Variants in CNTNAP2 observed in about 807,000 individuals in gnomAD.
CNTNAP2 encodes the protein contactin-associated protein-like 2.
CNTNAP2 carries 98 observed loss-of-function variants against 155.2 expected under a neutral mutation model. The observed-to-expected ratio is 0.63, with a 90% CI of 0.54 to 0.75. The LOEUF is 0.75. Ranked by LOEUF, CNTNAP2 falls within the 30% of genes least tolerant of loss-of-function variation. The pLI is 0.00. For missense variants in CNTNAP2, 1,727 were observed against 1,688.1 expected (o/e 1.02, Z -0.40); for synonymous variants, 651 against 631.2 (o/e 1.03, Z -0.47).
chr7:146,464,382 C>G (rs1796686283), intron 1 of CNTNAP2, among the ~76,000 whole-genome samples: 1 of 151,922 alleles, frequency 6.6e-6, no homozygotes, highest in Non-Finnish European at 1.5e-5. Context: ...ATCTACGTAA[C>G]AGATCATATT....
chr7:147,303,852 G>A (rs1376072614), intron 9 of CNTNAP2, among the ~76,000 whole-genome samples: 1 of 152,136 alleles, frequency 6.6e-6, no homozygotes, highest in Non-Finnish European at 1.5e-5. Context: ...AAGGAACACT[G>A]GAGACTTCAG....
At chr7:146,712,202 T>TA (rs1801098124) in intron 1 of CNTNAP2, among the ~76,000 whole-genome samples, 3 of 121,332 alleles carry the variant, frequency 2.5e-5, no homozygotes, top group African/African-American at 9.0e-5. Context: ...TATACAAATA[T>TA]GTATACATAT....
chr7:148,351,787 A>G (rs1304374441), intron 21 of CNTNAP2, among the ~76,000 whole-genome samples: 1 of 150,244 alleles, frequency 6.7e-6, no homozygotes, highest in African/African-American at 2.4e-5. Context: ...CAGGGGTTTA[A>G]GCAAGATGGA....
chr7:146,617,451 G>A (rs1052154277), intron 1 of CNTNAP2, among the ~76,000 whole-genome samples: 6 of 152,144 alleles, frequency 3.9e-5, no homozygotes, highest in African/African-American at 1.4e-4. Context: ...GTACTACCTT[G>A]AAGATCTTAC....
intron 15 of CNTNAP2, among the ~76,000 whole-genome samples, chr7:148,008,207 C>CAAA (rs34226824): frequency 0.012 from 1,681 of 142,578 alleles, 41 homozygotes; most frequent in African/African-American, 0.042. Context: ...ACTAAAAATA[C>CAAA]AAAAAAAAAA....
chr7:146,318,262 TTTGA>T (rs1800943946), intron 1 of CNTNAP2, among the ~76,000 whole-genome samples: 1 of 152,198 alleles, frequency 6.6e-6, no homozygotes, highest in Admixed American at 6.5e-5. Context: ...TTAGTTCTGT[TTTGA>T]TTGTTTTTCA....
At chr7:146,705,148 A>T (rs1800941409) in intron 1 of CNTNAP2, among the ~76,000 whole-genome samples, 1 of 152,110 alleles carries the variant, frequency 6.6e-6, no homozygotes, top group African/African-American at 2.4e-5. Flanking sequence ...CTTTTGGCTA[A>T]AAAGTGTTTA....
At chr7:146,594,725 G>T (rs532850341) in intron 1 of CNTNAP2, among the ~76,000 whole-genome samples, 1 of 151,982 alleles carries the variant, frequency 6.6e-6, no homozygotes, top group African/African-American at 2.4e-5. Context: ...GTAATTTTGC[G>T]TCCTCTCATC....
At chr7:146,798,154 C>T (rs1802804850) in intron 2 of CNTNAP2, among the ~76,000 whole-genome samples, 2 of 151,914 alleles carry the variant, frequency 1.3e-5, no homozygotes, top group Admixed American at 6.6e-5. Context: ...CGCCTGCGGT[C>T]CCAGTTACTC....
intron 17 of CNTNAP2, among the ~76,000 whole-genome samples, chr7:148,158,419 C>T (rs1057094128): frequency 1.1e-4 from 16 of 152,048 alleles, no homozygotes; most frequent in Non-Finnish European, 1.8e-4. Context: ...GATAGGATTT[C>T]ACCATGTTGG....
chr7:147,770,332 C>A (rs993152301), intron 13 of CNTNAP2, among the ~76,000 whole-genome samples: 1 of 151,946 alleles, frequency 6.6e-6, no homozygotes, highest in African/African-American at 2.4e-5. Flanking sequence ...AATACTGCAC[C>A]ATAGGTTTCC....
chr7:148,113,615 T>A (rs865838314), intron 15 of CNTNAP2, among the ~76,000 whole-genome samples: 7 of 152,116 alleles, frequency 4.6e-5, no homozygotes, highest in Non-Finnish European at 1.0e-4. Context: ...TTAATTGGGG[T>A]TTAAAATGAT....
chr7:148,001,217 A>T (rs537464541), intron 15 of CNTNAP2, among the ~76,000 whole-genome samples: 4 of 152,224 alleles, frequency 2.6e-5, no homozygotes, highest in African/African-American at 4.8e-5. Flanking sequence ...GCCAAGAAAC[A>T]TCTACCTAGT....
chr7:146,687,628 G>C (rs992701063), intron 1 of CNTNAP2, among the ~76,000 whole-genome samples: 5 of 152,046 alleles, frequency 3.3e-5, no homozygotes, highest in Admixed American at 2.0e-4. Context: ...AGATAATTAT[G>C]GCTTTTTAAA....
intron 12 of CNTNAP2, among the ~76,000 whole-genome samples, chr7:147,620,492 T>C (rs1801372259): frequency 6.7e-6 from 1 of 150,298 alleles, no homozygotes; most frequent in South Asian, 2.1e-4. Flanking sequence ...AAAATAATTA[T>C]ATATTAATTA....
intron 2 of CNTNAP2, among the ~76,000 whole-genome samples, chr7:146,824,615 G>T (rs550783029): frequency 6.6e-6 from 1 of 152,152 alleles, no homozygotes; most frequent in African/African-American, 2.4e-5. Flanking sequence ...CTGTGGTTTT[G>T]ATTTTCATTT....
rs144050752 is a variant in CNTNAP2, at chr7:147,927,668, A to C, written c.2255+23947A>C. Among the ~76,000 whole-genome samples the C allele has an allele frequency of 2.3e-3, 344 of 152,360 alleles. 2 individuals are homozygous for C. The highest frequency in any genetic ancestry group is 5.6e-3 in the African/African-American group (232 of 41,588). ...AGAATTTCATGCCATAAGATTAACTATACTTGATCAATAAACTTTGAAATT... is the reference window on the plus strand; with the variant it reads ...AGAATTTCATGCCATAAGATTAACTCTACTTGATCAATAAACTTTGAAATT... On this transcript the variant is annotated intron_variant, in intron 14 of 23. Coordinates refer to ENST00000361727, the MANE Select transcript of CNTNAP2 (RefSeq NM_014141.6).
At chr7:147,361,580 T>C (rs553240178) in intron 9 of CNTNAP2, among the ~76,000 whole-genome samples, 16 of 152,204 alleles carry the variant, frequency 1.1e-4, no homozygotes, top group Non-Finnish European at 1.9e-4. Context: ...TAGTTGTATA[T>C]ATTACTTCAC....
intron 5 of CNTNAP2, among the ~76,000 whole-genome samples, chr7:147,111,929 A>T (rs1800889416): frequency 6.6e-6 from 1 of 152,142 alleles, no homozygotes. Context: ...TAATGGGAAT[A>T]GTATTGAATC....
Sources: gnomAD v4.1 joint callset for allele counts (sites outside exome capture counted in the v4.1 genomes callset) on GRCh38, gnomAD v4.1.1 for gene constraint, MANE v1.5 for transcripts, NCBI Gene and HGNC (gene_info 2026-07-23, HGNC 2026-07-21) for gene names.